ASIC4: variants seen among roughly 807,000 people sequenced by gnomAD.
ASIC4 encodes the protein acid sensing ion channel subunit family member 4.
Under a neutral mutation model 53.4 loss-of-function variants are expected in ASIC4, and 28 were observed. The observed-to-expected ratio is 0.52, with a 90% confidence interval of 0.39 to 0.72. The LOEUF is 0.72. ASIC4 is among the 30% of genes least tolerant of loss of function. ASIC4 has a pLI of 0.00. For synonymous variants in ASIC4, 289 were observed against 301.4 expected (o/e 0.96, Z 0.43); for missense variants, 649 against 729.7 (o/e 0.89, Z 1.27).
At chr2:219,535,129 C>G in intron 5 of ASIC4, 42 bp from the exon 6 acceptor site, 1 of 1,586,102 alleles carries the variant, frequency 6.3e-7, no homozygotes. Context: ...ACTGGACCAC[C>G]CTTCTCCAAC....
At chr2:219,515,435 C>T (rs748943269) in intron 1 of ASIC4, 129 bp downstream of exon 1, 4 of 1,262,380 alleles carry the variant, frequency 3.2e-6, no homozygotes, top group Middle Eastern at 2.6e-4. Context: ...AGAGGCTGGC[C>T]TCGTGTTTCC....
chr2:219,527,390 G>A (rs1196166411), intron 1 of ASIC4, among the ~76,000 whole-genome samples: 5 of 152,222 alleles, frequency 3.3e-5, no homozygotes, highest in Non-Finnish European at 7.3e-5. Flanking sequence ...CAGCCACCTT[G>A]AGGGTTTGTG....
intron 1 of ASIC4, among the ~76,000 whole-genome samples, chr2:219,525,830 G>A (rs2125662311): frequency 6.6e-6 from 1 of 152,322 alleles, no homozygotes; most frequent in East Asian, 1.9e-4. Context: ...TCATTCCAGG[G>A]GTACCTAAGA....
Position 219,526,072 on chromosome 2 carries a change from C to G in ASIC4, c.583-5686C>G, listed in dbSNP as rs528804470. On this transcript the variant is annotated intron_variant, in intron 1 of 9. Coordinates refer to ENST00000358078, the MANE Select transcript of ASIC4 (RefSeq NM_018674.6). ...CCCTCCCCCTGCCACAGCTCTGAGC[C>G]CTGGCCCCGCTAATTGCCTGTTAAC... 5.9e-5 allele frequency among the ~76,000 whole-genome samples: 9 copies of G among 152,342 alleles called. No individual in the cohort carries two copies. The East Asian group carries it at 1.7e-3, about 29-fold the overall frequency.
Position 219,514,822 on chromosome 2 carries a change from T to C in ASIC4, c.98T>C (p.Val33Ala), listed in dbSNP as rs116598338. The change falls in exon 1 of 10, where the codon GTT (valine) becomes GCT (alanine). Residue 33 changes from valine to alanine, a missense_variant. Physicochemically the swap from Val to Ala is moderately conservative, Grantham distance 64. Coordinates refer to ENST00000358078, the MANE Select transcript of ASIC4 (RefSeq NM_018674.6). ...GATGAGCAGAGCCTCCTCGGGGCTG[T>C]TGCCCCTGGAGCAGCCCCCCGAGAC... ...AGDEQSLLGAVAPGAAPRDLA... is the reference protein window; with the variant it reads ...AGDEQSLLGAAAPGAAPRDLA... 8,795 of 1,613,266 alleles carry C rather than the reference T, an allele frequency of 5.5e-3. 29 individuals are homozygous for C. The highest frequency in any genetic ancestry group is 7.1e-3 in the African/African-American group (530 of 75,012).
rs187986266 is a variant in ASIC4 at position 219,516,135 on chromosome 2, C to T, written c.582+829C>T. On this transcript the variant is annotated intron_variant, in intron 1 of 9. Coordinates refer to ENST00000358078, the MANE Select transcript of ASIC4 (RefSeq NM_018674.6). This position sits in a 1 kb window ranked among gnomAD's most constrained non-coding sequence, Gnocchi z 4.9. ...TTTCCTGCACACTCCCTCTCTCACT[C>T]ACTGTCCCTGTCACTACACTCACAT... 6.6e-6 allele frequency among the ~76,000 whole-genome samples: 1 copy of T among 152,156 alleles called. No homozygotes were observed. The highest frequency in any genetic ancestry group is 6.5e-5 in the Admixed American group (1 of 15,276).
At position 219,532,344 on chromosome 2, in the gene ASIC4, C is replaced by A; in HGVS notation, c.885C>A (p.Asn295Lys). 1 of 1,613,112 alleles carries A rather than the reference C, an allele frequency of 6.2e-7. No homozygotes were observed. The highest frequency in any genetic ancestry group is 8.5e-7 in the Non-Finnish European group (1 of 1,179,144). ...CCTACCTGCCCCAGCCCTGGGGCAA[C>A]TGCCGCGCAGAGAGTGAGCTCAGGG... ...RLTYLPQPWG[N>K]CRAESELREP... Residue 295 changes from asparagine (N) to lysine (K), a missense_variant, in exon 4 of 10, where the codon AAC becomes AAA. Asn to Lys is a moderately conservative substitution (Grantham distance 94). Coordinates refer to ENST00000358078, the MANE Select transcript of ASIC4 (RefSeq NM_018674.6).
chr2:219,512,833 T>A, upstream of ASIC4, among the ~76,000 whole-genome samples: 1 of 152,234 alleles, frequency 6.6e-6, no homozygotes, highest in Non-Finnish European at 1.5e-5. Context: ...GGGAAGCCAC[T>A]TTGCCTAAAG....
At chr2:219,524,982 C>A (rs576224719) in intron 1 of ASIC4, among the ~76,000 whole-genome samples, 6 of 152,358 alleles carry the variant, frequency 3.9e-5, no homozygotes, top group Admixed American at 1.3e-4. Context: ...TCTCATGTAA[C>A]TTTAGGAGGA....
intron 4 of ASIC4, 64 bp from the exon 5 acceptor site, chr2:219,532,819 T>C: frequency 6.8e-7 from 1 of 1,476,976 alleles, no homozygotes; most frequent in South Asian, 1.2e-5. Flanking sequence ...TGTGCTTACA[T>C]TTGGGCGTGT....
rs374721959 is a variant in ASIC4 at position 219,537,598 on chromosome 2, G to A, written c.1402-34G>A. 6.4e-7 allele frequency: 1 copy of A among 1,573,860 alleles called. No individual in the cohort carries two copies. Among genetic ancestry groups the A allele is most frequent in the Non-Finnish European group, 8.7e-7 (1 of 1,156,052 alleles). On this transcript the variant is annotated intron_variant, in intron 8 of 9. Coordinates refer to ENST00000358078, the MANE Select transcript of ASIC4 (RefSeq NM_018674.6). The surrounding 1 kb of genome is among the most constrained non-coding windows in gnomAD (Gnocchi z 4.9). The stretch of plus-strand genomic sequence containing the variant: ...ACGCTTCTCCTCAACCAAATTTCCT[G>A]AGCCCACTGCTGTCCCCGACCCTGA...
intron 1 of ASIC4, among the ~76,000 whole-genome samples, chr2:219,524,766 G>A (rs1694938415): frequency 6.6e-6 from 1 of 152,224 alleles, no homozygotes. Context: ...AGAGCCTGGG[G>A]GTTTCGCTGT....
Position 219,527,897 on chromosome 2 carries a change from A to G in ASIC4, c.583-3861A>G, listed in dbSNP as rs76359160. Among the ~76,000 whole-genome samples the G allele has an allele frequency of 3.6e-3, 554 of 152,116 alleles. 11 individuals are homozygous for G. The East Asian group carries it at 0.058, about 16-fold the overall frequency. ...CTGGGGATGCCAAGAGGGAAACAGGACTCCTGGTCACATGGAGTTCATGGT... is the reference window on the plus strand; with the variant it reads ...CTGGGGATGCCAAGAGGGAAACAGGGCTCCTGGTCACATGGAGTTCATGGT... On this transcript the variant is annotated intron_variant, in intron 1 of 9. Coordinates refer to ENST00000358078, the MANE Select transcript of ASIC4 (RefSeq NM_018674.6).
In ASIC4 at chr2:219,532,470, C is replaced by T. The variant is rs760734019; in HGVS notation, c.1011C>T (p.His337=). 3.7e-6 allele frequency: 6 copies of T among 1,610,756 alleles called. No homozygotes were observed. The highest frequency in any genetic ancestry group is 4.5e-5 in the East Asian group (2 of 44,784). The change falls in exon 4 of 10, where the codon CAC becomes CAT. Residue 337 remains histidine, a synonymous_variant. Transcript: ENST00000358078. ...VLQRCHCRMV[H]MPGNETICPP... is the part of the protein sequence containing the mutation. ...AGCGCTGCCACTGCCGGATGGTGCA[C>T]ATGCCAGGTGGGCACCCCACCCCCA... is the stretch of plus-strand genomic sequence containing the variant.
upstream of ASIC4, chr2:219,514,372 G>C (rs371897118): frequency 6.5e-7 from 1 of 1,546,284 alleles, no homozygotes; most frequent in East Asian, 2.4e-5. Context: ...GGGGCTGCGC[G>C]GCGTGGCGGA....
In ASIC4 at chr2:219,520,752, A is replaced by T. The variant is rs116389664; in HGVS notation, c.582+5446A>T. Among the ~76,000 whole-genome samples the T allele has an allele frequency of 8.5e-3, 1,290 of 152,180 alleles. 19 individuals are homozygous for T. Among genetic ancestry groups the T allele is most frequent in the African/African-American group, 0.03 (1,236 of 41,520 alleles). ...GAGCCTTAAGCACATTTAGTTCAACATCTGGTTCAGGGCTGATCCTGCCCT... is the reference window on the plus strand; with the variant it reads ...GAGCCTTAAGCACATTTAGTTCAACTTCTGGTTCAGGGCTGATCCTGCCCT... On this transcript the variant is annotated intron_variant, in intron 1 of 9. Transcript: ENST00000358078.
intron 1 of ASIC4, among the ~76,000 whole-genome samples, chr2:219,525,485 C>T (rs2125662110): frequency 6.6e-6 from 1 of 152,324 alleles, no homozygotes; most frequent in Non-Finnish European, 1.5e-5. Flanking sequence ...ACCTGGGGTC[C>T]ACTTCTGAAT....
intron 1 of ASIC4, among the ~76,000 whole-genome samples, chr2:219,530,539 G>C (rs906823506): frequency 2.0e-5 from 3 of 152,264 alleles, no homozygotes; most frequent in Admixed American, 2.0e-4. Context: ...GAGACAAGTA[G>C]ATGAACAAGA....
chr2:219,524,185 GCTGT>G (rs1478769964), intron 1 of ASIC4, among the ~76,000 whole-genome samples: 1 of 152,230 alleles, frequency 6.6e-6, no homozygotes, highest in African/African-American at 2.4e-5. Context: ...GAGGGCAGAG[GCTGT>G]CTGTTTTGTT....
Sources: gnomAD v4.1 joint callset for allele counts (sites outside exome capture counted in the v4.1 genomes callset) on GRCh38, gnomAD v4.1.1 for gene constraint, Gnocchi (gnomAD v3.1) non-coding constraint, MANE v1.5 for transcripts, NCBI Gene and HGNC (gene_info 2026-07-23, HGNC 2026-07-21) for gene names.